Variants in DTL observed in about 807,000 individuals in gnomAD.
DTL encodes denticleless protein homolog.
A neutral mutation model predicts 87.0 loss-of-function variants in DTL; 46 were observed. That is an observed-to-expected ratio of 0.53 (90% CI 0.42 to 0.68). DTL has a LOEUF of 0.68. DTL is among the 30% of genes least tolerant of loss of function. The pLI, the probability that DTL is intolerant of heterozygous loss-of-function variation, is 0.00. For synonymous variants in DTL, 308 were observed against 311.2 expected (o/e 0.99, Z 0.11); for missense variants, 737 against 869.4 (o/e 0.85, Z 1.91).
At chr1:212,080,797 T>A (rs551230633) in intron 13 of DTL, 47 bp downstream of exon 13, 2 of 1,601,722 alleles carry the variant, frequency 1.2e-6, no homozygotes, top group South Asian at 1.1e-5. Flanking sequence ...TTGACTAGTT[T>A]AGTCCGACAG....
At chr1:212,090,242 C>T (rs1325557734) in intron 13 of DTL, among the ~76,000 whole-genome samples, 1 of 152,092 alleles carries the variant, frequency 6.6e-6, no homozygotes, top group Non-Finnish European at 1.5e-5. Context: ...AGGCAAAAGT[C>T]AATTTGTAGA....
intron 11 of DTL, among the ~76,000 whole-genome samples, chr1:212,077,922 T>A (rs912258768): frequency 2.6e-5 from 4 of 152,196 alleles, no homozygotes; most frequent in Admixed American, 6.5e-5. Context: ...AAATAAGGAC[T>A]ATCCTTGTGT....
chr1:212,055,275 C>T (rs1184051424), intron 5 of DTL, among the ~76,000 whole-genome samples: 1 of 152,140 alleles, frequency 6.6e-6, no homozygotes, highest in African/African-American at 2.4e-5. Context: ...AGCCCAAATA[C>T]CCACTGTGAA....
intron 2 of DTL, 53 bp downstream of exon 2, chr1:212,043,171 C>T: frequency 6.5e-7 from 1 of 1,537,212 alleles, no homozygotes; most frequent in Non-Finnish European, 8.8e-7. Context: ...CTATTTCACA[C>T]TTATAGGGAA....
intron 5 of DTL, among the ~76,000 whole-genome samples, chr1:212,054,510 T>C (rs1668101256): frequency 6.6e-6 from 1 of 151,622 alleles, no homozygotes; most frequent in Non-Finnish European, 1.5e-5. Flanking sequence ...AAGAGGAAAG[T>C]GGGCCAGGCA....
chr1:212,101,743 C>T (rs915985917), intron 14 of DTL, among the ~76,000 whole-genome samples: 1 of 152,130 alleles, frequency 6.6e-6, no homozygotes, highest in African/African-American at 2.4e-5. Context: ...TTTTAGGACT[C>T]ATTTCATTGA....
chr1:212,102,790 G>GT (rs1655662010), intron 14 of DTL, 52 bp from the exon 15 acceptor site: 11 of 1,299,458 alleles, frequency 8.5e-6, no homozygotes, highest in Non-Finnish European at 1.2e-5. Flanking sequence ...TAATAACTTA[G>GT]TAACAGTTGA....
At chr1:212,080,322 A>G (rs1470454032) in intron 12 of DTL, 1 of 216,924 alleles carries the variant, frequency 4.6e-6, no homozygotes, top group Non-Finnish European at 9.1e-6. Context: ...GTATTTATAC[A>G]GAAGATGATA....
intron 5 of DTL, among the ~76,000 whole-genome samples, chr1:212,050,678 G>A (rs1362676952): frequency 6.6e-6 from 1 of 151,940 alleles, no homozygotes; most frequent in Non-Finnish European, 1.5e-5. Flanking sequence ...CCACTACCCT[G>A]TATCTTCAAG....
chr1:212,061,661 T>C (rs1021500808), intron 5 of DTL, among the ~76,000 whole-genome samples: 2 of 152,110 alleles, frequency 1.3e-5, no homozygotes, highest in African/African-American at 2.4e-5. Context: ...AACGAACAAA[T>C]AGAGTTTTTA....
At chr1:212,047,507 C>A in intron 5 of DTL, 90 bp downstream of exon 5, 1 of 1,477,722 alleles carries the variant, frequency 6.8e-7, no homozygotes, top group South Asian at 1.2e-5. Context: ...TTTCCCCTGT[C>A]AAAGTTACTG....
At chr1:212,062,195 G>A (rs1042469172) in intron 5 of DTL, among the ~76,000 whole-genome samples, 2 of 152,150 alleles carry the variant, frequency 1.3e-5, no homozygotes, top group African/African-American at 2.4e-5. Flanking sequence ...AGCTGTTTTT[G>A]TGTTTTATCC....
chr1:212,102,900 A>G lies in DTL; in HGVS notation c.2153A>G (p.Gln718Arg). ...TGCACATACTTCCATAGAAAGTCCC[A>G]GGAGGACTTCTGTGGTCCTGAACAC... Reference protein sequence around the residue: ...KICTYFHRKSQEDFCGPEHST... With the variant: ...KICTYFHRKSREDFCGPEHST... Residue 718 changes from glutamine (Q) to arginine (R), a missense_variant, in exon 15 of 15, where the codon CAG (glutamine) becomes CGG (arginine). Gln to Arg is a conservative substitution (Grantham distance 43). Transcript: ENST00000366991. 4 of 1,612,538 alleles carry G rather than the reference A, an allele frequency of 2.5e-6. No homozygotes were observed. Among genetic ancestry groups the G allele is most frequent in the Non-Finnish European group, 3.4e-6 (4 of 1,178,680 alleles).
intron 5 of DTL, among the ~76,000 whole-genome samples, chr1:212,052,803 G>T (rs1558074193): frequency 3.4e-5 from 5 of 147,416 alleles, no homozygotes; most frequent in Non-Finnish European, 6.0e-5. Flanking sequence ...TTGAGGTTTT[G>T]TTTTTTTTCA....
chr1:212,073,182 G>A (rs1654728127), intron 11 of DTL, among the ~76,000 whole-genome samples: 1 of 152,132 alleles, frequency 6.6e-6, no homozygotes, highest in Admixed American at 6.6e-5. Flanking sequence ...TTAGACAACA[G>A]GTAGCACTTG....
chr1:212,063,503 C>T (rs1654398700), intron 6 of DTL, among the ~76,000 whole-genome samples: 1 of 151,922 alleles, frequency 6.6e-6, no homozygotes, highest in Non-Finnish European at 1.5e-5. Context: ...GTTGGCCAGG[C>T]TGGTCTCAAA....
chr1:212,058,207 T>C (rs1489944471), intron 5 of DTL, among the ~76,000 whole-genome samples: 2 of 152,242 alleles, frequency 1.3e-5, no homozygotes, highest in African/African-American at 2.4e-5. Context: ...CAAATGGACC[T>C]AAGAGATATT....
At chr1:212,069,005 A>G (rs1654592124) in intron 10 of DTL, among the ~76,000 whole-genome samples, 1 of 152,202 alleles carries the variant, frequency 6.6e-6, no homozygotes, top group Non-Finnish European at 1.5e-5. Context: ...TGGAGTAGAT[A>G]AAGTGCTTCT....
intron 12 of DTL, among the ~76,000 whole-genome samples, chr1:212,079,927 C>T (rs4093392): frequency 0.32 from 48,178 of 152,034 alleles, 9,014 homozygotes; most frequent in Middle Eastern, 0.43. Context: ...GGGAACAGCT[C>T]TGGTACCAGT....
Sources: allele counts gnomAD v4.1 joint callset (sites outside exome capture counted in the v4.1 genomes callset), GRCh38; gene constraint gnomAD v4.1.1; transcripts MANE v1.5; gene names NCBI Gene and HGNC (gene_info 2026-07-23, HGNC 2026-07-21).